AWAT1: variants seen among roughly 807,000 people sequenced by gnomAD.
The protein encoded by AWAT1 is diacyl-glycerol acyltransferase 2.
A neutral mutation model predicts 21.6 loss-of-function variants in AWAT1; 26 were observed. The observed-to-expected ratio is 1.20, with a 90% confidence interval of 0.88 to 1.67. The LOEUF (loss-of-function observed/expected upper bound fraction) is 1.67, where lower values mean the gene tolerates loss of function less well. Among genes scored for constraint, AWAT1 ranks in the 40% most tolerant of loss-of-function variants. The pLI is 0.00. For synonymous variants in AWAT1, 102 were observed against 99.3 expected (o/e 1.03, Z -0.16); for missense variants, 264 against 249.4 (o/e 1.06, Z -0.39).
chrX:70,235,815 CAGAGCG>C lies in AWAT1; in HGVS notation c.179_184del (p.Glu60_Arg61del). ...TGGTTGTTCCTGGACTGGAAGACCCCAGAGCGAGGTAAGACTCACAGACCTAGAAAG... is the reference window on the plus strand; with the variant it reads ...TGGTTGTTCCTGGACTGGAAGACCCCAGGTAAGACTCACAGACCTAGAAAG... On this transcript the variant is annotated inframe_deletion and splice_region_variant, in exon 2 of 7. Transcript: ENST00000374521. 8.3e-7 allele frequency: 1 copy of C among 1,201,015 alleles called. No homozygotes were observed. The highest frequency in any genetic ancestry group is 1.1e-6 in the Non-Finnish European group (1 of 885,951).
At chrX:70,234,848 C>T in intron 1 of AWAT1, 77 bp downstream of exon 1, 1 of 898,193 alleles carries the variant, frequency 1.1e-6, no homozygotes, top group Middle Eastern at 2.7e-4. Flanking sequence ...ACTTTTAGGG[C>T]CATGTGAAGT....
intron 4 of AWAT1, 114 bp from the exon 5 acceptor site, chrX:70,238,098 A>G: frequency 1.3e-6 from 1 of 744,466 alleles, no homozygotes; most frequent in East Asian, 3.3e-5. Flanking sequence ...GTCCCATCTC[A>G]TTGCTCCTCT....
Position 70,239,896 on chromosome X carries a change from C to A in AWAT1, c.794C>A (p.Thr265Asn), listed in dbSNP as rs374261284. ...FYGQSFCQGSTGLLPYSRPIV... is the reference protein window; with the variant it reads ...FYGQSFCQGSNGLLPYSRPIV... Reference sequence around the variant, plus strand: ...GGACAAAGCTTCTGTCAAGGCTCCACTGGGCTCCTGCCATACTCCAGGCCT... The same window carrying A: ...GGACAAAGCTTCTGTCAAGGCTCCAATGGGCTCCTGCCATACTCCAGGCCT... Residue 265 changes from threonine (T) to asparagine (N), a missense_variant, in exon 6 of 7, where the codon ACT (threonine) becomes AAT (asparagine). Coordinates refer to ENST00000374521, the MANE Select transcript of AWAT1 (RefSeq NM_001013579.3). The A allele has an allele frequency of 8.3e-7, 1 of 1,210,695 alleles. No homozygotes were observed. Among genetic ancestry groups the A allele is most frequent in the Non-Finnish European group, 1.1e-6 (1 of 895,018 alleles).
chrX:70,235,780 T>C lies in AWAT1; in HGVS notation c.141T>C (p.Leu47=). The change falls in exon 2 of 7, where the codon CTT becomes CTC. Residue 47 remains leucine, a synonymous_variant. Transcript: ENST00000374521. The part of the protein sequence containing the change: ...LFTSLWPLPV[L]YFAWLFLDWK... ...CATCCTTGTGGCCGCTACCAGTGCT[T>C]TACTTTGCCTGGTTGTTCCTGGACT... is the stretch of plus-strand genomic sequence containing the variant. The C allele has an allele frequency of 5.8e-6, 7 of 1,210,225 alleles. No individual in the cohort carries two copies. Among genetic ancestry groups the C allele is most frequent in the Non-Finnish European group, 6.7e-6 (6 of 894,391 alleles).
Position 70,240,215 on chromosome X carries a change from T to C in AWAT1, c.912T>C (p.Asp304=). The change falls in exon 7 of 7, where the codon GAT becomes GAC. Residue 304 remains aspartate (D), a synonymous_variant. Transcript: ENST00000374521. ...ACAAATACCATGCACTTTATATGGA[T>C]GCTCTGCACAAACTGTTCGACCAGC... ...MVDKYHALYM[D]ALHKLFDQHK... 8 of 1,211,485 alleles carry C rather than the reference T, an allele frequency of 6.6e-6. No individual in the cohort carries two copies. The highest frequency in any genetic ancestry group is 7.8e-6 in the Non-Finnish European group (7 of 895,122).
chrX:70,236,009 C>A, intron 2 of AWAT1, 60 bp from the exon 3 acceptor site: 3 of 1,038,050 alleles, frequency 2.9e-6, no homozygotes, highest in Non-Finnish European at 4.1e-6. Flanking sequence ...ATCCCTGAGT[C>A]CGTGGAATGT....
intron 3 of AWAT1, among the ~76,000 whole-genome samples, chrX:70,236,521 G>T (rs765420880): frequency 8.9e-6 from 1 of 111,934 alleles, no homozygotes; most frequent in East Asian, 2.8e-4. Flanking sequence ...TTGGCACAAG[G>T]TACAGAAGTA....
At position 70,238,358 on chromosome X, in the gene AWAT1, T is replaced by C; in HGVS notation, c.607T>C (p.Phe203Leu). The C allele has an allele frequency of 8.3e-7, 1 of 1,201,743 alleles. No individual in the cohort carries two copies. The highest frequency in any genetic ancestry group is 1.8e-5 in the South Asian group (1 of 55,738). Residue 203 changes from phenylalanine to leucine, a missense_variant, in exon 5 of 7, where the codon TTC (phenylalanine) becomes CTC (leucine). By Grantham distance (22) the Phe-to-Leu change is conservative. Transcript: ENST00000374521. The part of the protein sequence containing the change: ...TTLILQKRKG[F>L]VRTALQHGAH... Reference sequence around the variant, plus strand: ...CCTCATCCTCCAGAAGCGCAAGGGGTTCGTGCGCACAGCCCTCCAGCATGG... The same window carrying C: ...CCTCATCCTCCAGAAGCGCAAGGGGCTCGTGCGCACAGCCCTCCAGCATGG...
rs2085534272 is a variant in AWAT1 at position 70,240,587 on chromosome X, C to T, written c.*297C>T. On this transcript the variant is annotated 3_prime_UTR_variant, in exon 7 of 7. Transcript: ENST00000374521. ...CAGTCACTGCATATTCCCCCAGCCC[C>T]TGGGCAACTATCTACTTTCTGTCTC... is the stretch of plus-strand genomic sequence containing the variant. The T allele has an allele frequency of 3.8e-6, 1 of 266,422 alleles. No homozygotes were observed. Among genetic ancestry groups the T allele is most frequent in the African/African-American group, 2.7e-5 (1 of 36,461 alleles). 22.0% of individuals were successfully genotyped at this position (266,422 alleles called of 1,213,427 possible).
chrX:70,234,750 C>A lies in AWAT1; in HGVS notation c.55C>A (p.Pro19Thr), dbSNP rs995878418. 7 of 1,209,781 alleles carry A rather than the reference C, an allele frequency of 5.8e-6. No homozygotes were observed. The Middle Eastern group carries it at 1.4e-3, about 239-fold the overall frequency. ...HFQSLMLLQW[P>T]LSYLAIFWIL... ...CCAGAGTCTGATGCTTCTGCAGTGG[C>A]CTTTGAGCTACCTTGCCATCTGTGA... The change falls in exon 1 of 7, where the codon CCT becomes ACT. Residue 19 changes from proline (P) to threonine (T), a missense_variant. Transcript: ENST00000374521.
At chrX:70,238,132 G>C in intron 4 of AWAT1, 80 bp from the exon 5 acceptor site, 1 of 993,439 alleles carries the variant, frequency 1.0e-6, no homozygotes, top group Non-Finnish European at 1.4e-6. Flanking sequence ...ATGAGAACAA[G>C]CCAGTGAAGA....
At chrX:70,240,076 G>A (rs993730976) in intron 6 of AWAT1, 60 bp from the exon 7 acceptor site, 9 of 1,173,402 alleles carry the variant, frequency 7.7e-6, no homozygotes, top group African/African-American at 7.1e-5. Context: ...AGGAGAGGGA[G>A]GTTAAAGGAA....
intron 1 of AWAT1, among the ~76,000 whole-genome samples, 191 bp from the exon 2 acceptor site, chrX:70,235,525 A>C (rs2085510492): frequency 9.0e-6 from 1 of 110,844 alleles, no homozygotes; most frequent in African/African-American, 3.3e-5. Context: ...CAGGCAGAGA[A>C]ATAGGGCTTC....
Position 70,239,869 on chromosome X carries a change from A to G in AWAT1, c.767A>G (p.Tyr256Cys). 2.5e-6 allele frequency: 3 copies of G among 1,210,868 alleles called. No homozygotes were observed. Among genetic ancestry groups the G allele is most frequent in the Non-Finnish European group, 3.4e-6 (3 of 895,013 alleles). ...RIFGFYCCVF[Y>C]GQSFCQGSTG... ...TTTGGTTTCTACTGTTGTGTCTTCT[A>G]TGGACAAAGCTTCTGTCAAGGCTCC... Residue 256 changes from tyrosine (Y) to cysteine (C), a missense_variant, in exon 6 of 7, where the codon TAT becomes TGT. Tyr to Cys is a radical substitution (Grantham distance 194, BLOSUM62 -2). Coordinates refer to ENST00000374521, the MANE Select transcript of AWAT1 (RefSeq NM_001013579.3).
chrX:70,238,497 G>A, intron 5 of AWAT1, 114 bp downstream of exon 5: 4 of 843,285 alleles, frequency 4.7e-6, no homozygotes, highest in Admixed American at 8.1e-5. Context: ...ATACTACCAA[G>A]TAAGAAAAAT....
chrX:70,239,619 TTA>T (rs2085529436), intron 5 of AWAT1, 114 bp from the exon 6 acceptor site: 6 of 672,071 alleles, frequency 8.9e-6, no homozygotes, highest in East Asian at 6.5e-5. Flanking sequence ...AAAAAATGCT[TTA>T]TGTCACCAGG....
chrX:70,235,829 A>G lies in AWAT1; in HGVS notation c.184+6A>G, dbSNP rs772730669. The G allele has an allele frequency of 8.5e-7, 1 of 1,174,859 alleles. No individual in the cohort carries two copies. Among genetic ancestry groups the G allele is most frequent in the Middle Eastern group, 2.3e-4 (1 of 4,257 alleles). On this transcript the variant is annotated splice_donor_region_variant and intron_variant, in intron 2 of 6. Coordinates refer to ENST00000374521, the MANE Select transcript of AWAT1 (RefSeq NM_001013579.3). ...CTGGAAGACCCCAGAGCGAGGTAAG[A>G]CTCACAGACCTAGAAAGAAGAATGT...
intron 6 of AWAT1, 61 bp downstream of exon 6, chrX:70,239,995 C>A: frequency 8.6e-7 from 1 of 1,162,627 alleles, no homozygotes; most frequent in Non-Finnish European, 1.2e-6. Context: ...CTCAGCCTGG[C>A]CCCACCAAAG....
At chrX:70,237,459 C>T in intron 4 of AWAT1, 2 of 434,873 alleles carry the variant, frequency 4.6e-6, no homozygotes, top group Admixed American at 4.0e-5. Context: ...TCAGTTTCCT[C>T]ATCCATAAAG....
Sources: gnomAD v4.1 joint callset for allele counts (sites outside exome capture counted in the v4.1 genomes callset) on GRCh38, gnomAD v4.1.1 for gene constraint, MANE v1.5 for transcripts, NCBI Gene and HGNC (gene_info 2026-07-23, HGNC 2026-07-21) for gene names.